The following TYMP variants were observed in gnomAD, a reference collection of about 807,000 sequenced individuals.
The protein encoded by TYMP is gliostatin.
A neutral mutation model predicts 42.3 loss-of-function variants in TYMP; 46 were observed. The ratio of observed to expected loss-of-function variants is 1.09; its 90% CI spans 0.86 to 1.39. The LOEUF is 1.39. Among genes scored for constraint, TYMP ranks in the 40% most tolerant of loss-of-function variants. TYMP has a pLI of 0.00. For synonymous variants in TYMP, 363 were observed against 308.0 expected (o/e 1.18, Z -1.87); for missense variants, 837 against 677.6 (o/e 1.24, Z -2.61).
intron 6 of TYMP, 150 bp downstream of exon 6, chr22:50,527,015 C>T (rs910801899): frequency 2.6e-6 from 2 of 765,874 alleles, no homozygotes; most frequent in South Asian, 1.5e-5. Context: ...GTTAGGAAGC[C>T]GTGAAGGAGG....
At position 50,529,240 on chromosome 22, in the gene TYMP, G is replaced by A; in HGVS notation, c.313C>T (p.Pro105Ser). 1 of 1,613,294 alleles carries A rather than the reference G, an allele frequency of 6.2e-7. No homozygotes were observed. Among genetic ancestry groups the A allele is most frequent in the South Asian group, 1.1e-5 (1 of 91,088 alleles). ...LAQSGQQLEW[P>S]EAWRQQLVDK... ...ACAAGCTGCTGGCGCCAGGCCTCTG[G>A]CCACTCCAGCTGCTGTCCCGACTGA... Residue 105 changes from proline to serine, a missense_variant, in exon 3 of 10, where the codon CCA becomes TCA. Transcript: ENST00000252029.
At chr22:50,529,114 T>G in intron 3 of TYMP, 22 bp downstream of exon 3, 2 of 1,612,486 alleles carry the variant, frequency 1.2e-6, no homozygotes. Context: ...GGCTCCCGTC[T>G]GGAAAGGAGG....
intron 4 of TYMP, 164 bp downstream of exon 4, chr22:50,528,348 T>G (rs1173951520): frequency 7.0e-6 from 5 of 712,926 alleles, no homozygotes; most frequent in Non-Finnish European, 1.0e-5. Context: ...ATGATCCTAA[T>G]CAAAGTTCCA....
Position 50,526,358 on chromosome 22 carries a change from C to T in TYMP, c.1047G>A (p.Ala349=). The T allele has an allele frequency of 6.5e-7, 1 of 1,548,050 alleles. No homozygotes were observed. The highest frequency in any genetic ancestry group is 8.6e-7 in the Non-Finnish European group (1 of 1,158,592). The change falls in exon 8 of 10, where the codon GCG becomes GCA. Residue 349 remains alanine (A), a synonymous_variant. Transcript: ENST00000252029. Reference sequence around the variant, plus strand: ...GGGCCAGACCGGGATCCACGCCCTGCGCCGCCAGCATCCGCTCGAAGCGGC... The same window carrying T: ...GGGCCAGACCGGGATCCACGCCCTGTGCCGCCAGCATCCGCTCGAAGCGGC... ...ALGRFERMLA[A]QGVDPGLARA...
chr22:50,528,433 C>T (rs1038428910), intron 4 of TYMP, 79 bp downstream of exon 4: 6 of 1,233,112 alleles, frequency 4.9e-6, no homozygotes, highest in African/African-American at 4.4e-5. Flanking sequence ...CCTAATGATC[C>T]ACCAGTGATC....
chr22:50,527,671 C>G lies in TYMP; in HGVS notation c.563G>C (p.Ser188Thr), dbSNP rs145056860. ...DQAGCCIVGQSEQLVPADGIL... is the reference protein window; with the variant it reads ...DQAGCCIVGQTEQLVPADGIL... The stretch of plus-strand genomic sequence containing the variant: ...TCCGTCCGCAGGAACCAGCTGCTCA[C>G]TCTGACCCACGATACAGCAGCCCGC... Residue 188 changes from serine to threonine, a missense_variant, in exon 5 of 10, where the codon AGT becomes ACT. Ser to Thr is a moderately conservative substitution (Grantham distance 58). Transcript: ENST00000252029. 1.4e-5 allele frequency: 23 copies of G among 1,613,808 alleles called. No homozygotes were observed. Among genetic ancestry groups the G allele is most frequent in the Non-Finnish European group, 1.9e-5 (23 of 1,180,022 alleles).
Position 50,526,127 on chromosome 22 carries a change from C to G in TYMP, c.1174G>C (p.Val392Leu), listed in dbSNP as rs1157560052. 8.1e-6 allele frequency: 12 copies of G among 1,488,776 alleles called. No homozygotes were observed. In the South Asian group the frequency reaches 1.3e-4, roughly 16 times the overall value. The allele number at this position is 1,488,776 out of a possible 1,614,324, so 92.2% of individuals were successfully genotyped here. The stretch of plus-strand genomic sequence containing the variant: ...ACCAGCGCCAGCGGCAGCGCCCGGA[C>G]CAGCTCCACGGTGCCTGCGGGGAGA... ...LAPADGTVEL[V>L]RALPLALVLH... Residue 392 changes from valine to leucine, a missense_variant, in exon 9 of 10, where the codon GTC becomes CTC. Physicochemically the swap from Val to Leu is conservative, Grantham distance 32 (BLOSUM62 1). Coordinates refer to ENST00000252029, the MANE Select transcript of TYMP (RefSeq NM_001953.5).
At chr22:50,527,030 G>A (rs1286159541) in intron 6 of TYMP, 135 bp downstream of exon 6, 3 of 805,584 alleles carry the variant, frequency 3.7e-6, no homozygotes, top group Non-Finnish European at 6.4e-6. Context: ...AGGAGGGAGG[G>A]ACTTCGGGCA....
At position 50,527,638 on chromosome 22, in the gene TYMP, T is replaced by C. The variant is rs1361750261; in HGVS notation, c.596A>G (p.Tyr199Cys). The C allele has an allele frequency of 1.2e-6, 2 of 1,613,940 alleles. No individual in the cohort carries two copies. The highest frequency in any genetic ancestry group is 2.2e-5 in the East Asian group (1 of 44,882). ...EQLVPADGIL[Y>C]AARDVTATVD... ...GGTGGCTGTCACATCTCTGGCTGCATATAGGATTCCGTCCGCAGGAACCAG... is the reference window on the plus strand; with the variant it reads ...GGTGGCTGTCACATCTCTGGCTGCACATAGGATTCCGTCCGCAGGAACCAG... The change falls in exon 5 of 10, where the codon TAT (tyrosine) becomes TGT (cysteine). Residue 199 changes from tyrosine (Y) to cysteine (C), a missense_variant. Physicochemically the swap from Tyr to Cys is radical, Grantham distance 194. Coordinates refer to ENST00000252029, the MANE Select transcript of TYMP (RefSeq NM_001953.5).
At position 50,529,123 on chromosome 22, in the gene TYMP, G is replaced by A. The variant is rs1329864344; in HGVS notation, c.417+13C>T. 3 of 1,612,748 alleles carry A rather than the reference G, an allele frequency of 1.9e-6. No individual in the cohort carries two copies. The highest frequency in any genetic ancestry group is 1.1e-5 in the South Asian group (1 of 91,094). ...GGTATAGGCTCCCGTCTGGAAAGGA[G>A]GTGGTTTCTAACCTTGCAGCCACAT... On this transcript the variant is annotated intron_variant, in intron 3 of 9. Coordinates refer to ENST00000252029, the MANE Select transcript of TYMP (RefSeq NM_001953.5).
At chr22:50,525,969 T>TGCGGGGCCAGCAGGGCGGGG in intron 9 of TYMP, 32 bp downstream of exon 9, 2 of 1,372,786 alleles carry the variant, frequency 1.5e-6, no homozygotes, top group Non-Finnish European at 1.9e-6. Context: ...TGGGCGGGGG[T>TGCGGGGCCAGCAGGGCGGGG]GCGGGGCCAG....
chr22:50,529,928 G>C lies in TYMP; in HGVS notation c.-35C>G. ...CCTGCTTAGGGCGCTGCCCTCGCCC[G>C]CTTGCTCCGGATCCCAGCCCAGGTA... On this transcript the variant is annotated 5_prime_UTR_variant, in exon 1 of 10. Transcript: ENST00000252029. The C allele has an allele frequency of 1.7e-6, 1 of 595,806 alleles. No homozygotes were observed. The highest frequency in any genetic ancestry group is 3.0e-5 in the Admixed American group (1 of 33,454). The allele number at this position is 595,806 out of a possible 1,614,324, so 36.9% of individuals were successfully genotyped here.
rs1001277545 is a variant in TYMP at position 50,528,375 on chromosome 22, A to G, written c.516+137T>C. 4 of 793,954 alleles carry G rather than the reference A, an allele frequency of 5.0e-6. No homozygotes were observed. In the African/African-American group the frequency reaches 6.8e-5, roughly 14 times the overall value. The allele number at this position is 793,954 out of a possible 1,614,324, so 49.2% of individuals were successfully genotyped here. ...AAAGTTCCACTGATGATTTCGGCCC[A>G]GGCCCAGTGACTCATGAGTAACCTT... On this transcript the variant is annotated intron_variant, in intron 4 of 9. Coordinates refer to ENST00000252029, the MANE Select transcript of TYMP (RefSeq NM_001953.5).
Position 50,528,578 on chromosome 22 carries a change from G to A in TYMP, c.450C>T (p.His150=), listed in dbSNP as rs2069478573. ...VPMISGRGLG[H]TGGTLDKLES... ...CCAGCTTATCCAAGGTGCCTCCTGTGTGCCCCAGACCACGTCCGCTGATCA... is the reference window on the plus strand; with the variant it reads ...CCAGCTTATCCAAGGTGCCTCCTGTATGCCCCAGACCACGTCCGCTGATCA... The change falls in exon 4 of 10, where the codon CAC becomes CAT. Residue 150 remains histidine (H), a synonymous_variant. Coordinates refer to ENST00000252029, the MANE Select transcript of TYMP (RefSeq NM_001953.5). 1.2e-6 allele frequency: 2 copies of A among 1,613,798 alleles called. No individual in the cohort carries two copies. The highest frequency in any genetic ancestry group is 1.7e-5 in the Admixed American group (1 of 59,998).
In TYMP at chr22:50,529,590, G is replaced by T; in HGVS notation, c.120C>A (p.Ile40=). 6.2e-7 allele frequency: 1 copy of T among 1,613,180 alleles called. No individual in the cohort carries two copies. Among genetic ancestry groups the T allele is most frequent in the Non-Finnish European group, 8.5e-7 (1 of 1,179,928 alleles). The change falls in exon 2 of 10, where the codon ATC becomes ATA. Residue 40 remains isoleucine (I), a synonymous_variant. Coordinates refer to ENST00000252029, the MANE Select transcript of TYMP (RefSeq NM_001953.5). ...SPEPKQLPEL[I]RMKRDGGRLS... Reference sequence around the variant, plus strand: ...GGCGGCCTCCGTCTCGCTTCATGCGGATCAGCTCCGGGAGCTGCTTGGGCT... The same window carrying T: ...GGCGGCCTCCGTCTCGCTTCATGCGTATCAGCTCCGGGAGCTGCTTGGGCT...
chr22:50,527,967 A>G (rs1431173664), intron 4 of TYMP: 16 of 509,846 alleles, frequency 3.1e-5, no homozygotes, highest in Non-Finnish European at 4.5e-5. Flanking sequence ...TTTTGTAGAG[A>G]TCAAGTTTCA....
intron 1 of TYMP, 75 bp downstream of exon 1, chr22:50,529,829 G>T: frequency 2.1e-6 from 2 of 950,308 alleles, no homozygotes; most frequent in South Asian, 3.3e-5. Context: ...TCCGCCCCTC[G>T]GTCCCGTGTC....
intron 8 of TYMP, 24 bp downstream of exon 8, chr22:50,526,222 G>A (rs2069364890): frequency 1.3e-6 from 2 of 1,514,778 alleles, no homozygotes; most frequent in Non-Finnish European, 1.8e-6. Flanking sequence ...GAGGCGGAAG[G>A]ACGGGGACTC....
Position 50,526,060 on chromosome 22 carries a change from G to C in TYMP, c.1241C>G (p.Pro414Arg), listed in dbSNP as rs1350988490. ...CTCTGCGCCCACCCCCAGGCGGAGC[G>C]GCTCCCCAGCGCGGCTGCGCCCGGC... ...LGAGRSRAGEPLRLGVGAELL... is the reference protein window; with the variant it reads ...LGAGRSRAGERLRLGVGAELL... Residue 414 changes from proline to arginine, a missense_variant, in exon 9 of 10, where the codon CCG becomes CGG. Transcript: ENST00000252029. 1.3e-6 allele frequency: 2 copies of C among 1,482,640 alleles called. No homozygotes were observed. The highest frequency in any genetic ancestry group is 1.5e-5 in the African/African-American group (1 of 68,150). 91.8% of individuals were successfully genotyped at this position (1,482,640 alleles called of 1,614,324 possible). A position where few individuals can be genotyped will look rare whatever the true frequency, so the allele number is the denominator to read the frequency against.
Sources: allele counts gnomAD v4.1 joint callset, GRCh38; gene constraint gnomAD v4.1.1; transcripts MANE v1.5; gene names NCBI Gene and HGNC (gene_info 2026-07-23, HGNC 2026-07-21).